The following FHIT variants were observed in gnomAD, a reference collection of about 807,000 sequenced individuals.
The protein encoded by FHIT is fragile histidine triad diadenosine triphosphatase, also known as bis(5'-adenosyl)-triphosphatase.
In FHIT, 19 loss-of-function variants were observed where a neutral mutation model predicts 17.9. That is an observed-to-expected ratio of 1.06 (90% CI 0.74 to 1.56). The LOEUF is 1.56. Among genes scored for constraint, FHIT ranks in the 40% most tolerant of loss-of-function variants. The probability of loss-of-function intolerance (pLI) is 0.00; values close to 1 mark genes in which losing one functional copy is unlikely to be tolerated. For synonymous variants in FHIT, 81 were observed against 69.7 expected, an observed-to-expected ratio of 1.16 and a Z score of -0.81; for missense variants, 248 against 189.2, an observed-to-expected ratio of 1.31 and a Z score of -1.82.
chr3:60,458,780 T>C (rs898768592), intron 5 of FHIT, among the ~76,000 whole-genome samples: 4 of 151,946 alleles, frequency 2.6e-5, no homozygotes, highest in African/African-American at 9.7e-5. Context: ...CATTCTACTA[T>C]ATATATTTTT....
At chr3:60,384,011 T>A (rs1020068442) in intron 5 of FHIT, among the ~76,000 whole-genome samples, 2 of 152,204 alleles carry the variant, frequency 1.3e-5, no homozygotes, top group African/African-American at 4.8e-5. Flanking sequence ...GGCCCATGCC[T>A]GTAATCCCAG....
At chr3:60,144,998 A>C (rs1700180723) in intron 5 of FHIT, among the ~76,000 whole-genome samples, 1 of 152,162 alleles carries the variant, frequency 6.6e-6, no homozygotes, top group South Asian at 2.1e-4. Flanking sequence ...TGGAGGAAAA[A>C]AACATCAATT....
Position 60,387,407 on chromosome 3 carries a change from G to A in FHIT, c.103+149453C>T, listed in dbSNP as rs1039343864. Among the ~76,000 whole-genome samples, 13 of 152,146 alleles carry A rather than the reference G, an allele frequency of 8.5e-5. 1 individual carries two copies. Among genetic ancestry groups the A allele is most frequent in the Admixed American group, 5.2e-4 (8 of 15,284 alleles). On this transcript the variant is annotated intron_variant, in intron 5 of 9. Coordinates refer to ENST00000492590, the MANE Select transcript of FHIT (RefSeq NM_002012.4). ...AAGGAATGGACACTTAAAACTTCCC[G>A]AACTGATCAAAATAAATGTGAGAGG...
intron 4 of FHIT, among the ~76,000 whole-genome samples, chr3:60,624,387 A>G (rs1254592614): frequency 6.6e-6 from 1 of 152,228 alleles, no homozygotes; most frequent in African/African-American, 2.4e-5. Context: ...AAATCCCTAC[A>G]GCTGGTGTGG....
At chr3:59,795,398 A>T (rs990124679) in intron 8 of FHIT, among the ~76,000 whole-genome samples, 1 of 150,000 alleles carries the variant, frequency 6.7e-6, no homozygotes, top group African/African-American at 2.4e-5. Context: ...AAAAAAAAAT[A>T]CCATAACATT....
In FHIT at chr3:60,069,171, T is replaced by C. The variant is rs565061896; in HGVS notation, c.104-55019A>G. On this transcript the variant is annotated intron_variant, in intron 5 of 9. Transcript: ENST00000492590. ...AGTCATGAAACAGTGCTTGGAAAGA[T>C]ACACACCAGTCATCTGACAGTAATA... Among the ~76,000 whole-genome samples the C allele has an allele frequency of 3.4e-4, 52 of 152,304 alleles. 1 individual carries two copies. In the South Asian group the frequency reaches 0.011, roughly 31 times the overall value.
intron 4 of FHIT, among the ~76,000 whole-genome samples, chr3:60,714,634 C>G (rs1365406986): frequency 6.6e-6 from 1 of 152,134 alleles, no homozygotes; most frequent in Middle Eastern, 3.2e-3. Context: ...TTCTTATACA[C>G]CAATGACAGA....
intron 5 of FHIT, among the ~76,000 whole-genome samples, chr3:60,091,704 TAGTA>T (rs1461838437): frequency 6.6e-6 from 1 of 152,096 alleles, no homozygotes; most frequent in Non-Finnish European, 1.5e-5. Context: ...GTTCTCATGA[TAGTA>T]AGTTACCATG....
At chr3:60,672,899 G>GTGTC (rs1330856406) in intron 4 of FHIT, among the ~76,000 whole-genome samples, 3 of 151,372 alleles carry the variant, frequency 2.0e-5, no homozygotes, top group Non-Finnish European at 4.4e-5. Flanking sequence ...GTGTGTGTGT[G>GTGTC]TGTGTGTGCA....
chr3:60,631,431 C>T (rs1416173560), intron 4 of FHIT, among the ~76,000 whole-genome samples: 4 of 152,284 alleles, frequency 2.6e-5, no homozygotes, highest in South Asian at 2.1e-4. Flanking sequence ...TTCTGATTTA[C>T]ATCTAGGGGA....
chr3:60,297,105 A>T (rs1244455508), intron 5 of FHIT, among the ~76,000 whole-genome samples: 9 of 152,082 alleles, frequency 5.9e-5, no homozygotes, highest in Middle Eastern at 3.4e-3. Flanking sequence ...TCTTTTTCAA[A>T]TCTGTTTTAG....
At chr3:60,004,028 T>C (rs1364240110) in intron 7 of FHIT, among the ~76,000 whole-genome samples, 1 of 152,126 alleles carries the variant, frequency 6.6e-6, no homozygotes, top group African/African-American at 2.4e-5. Flanking sequence ...AGAGTAGTGC[T>C]CCTTCAATGA....
intron 5 of FHIT, among the ~76,000 whole-genome samples, chr3:60,201,008 T>A (rs1702876732): frequency 6.6e-6 from 1 of 152,098 alleles, no homozygotes; most frequent in Non-Finnish European, 1.5e-5. Flanking sequence ...CAGAACTTAC[T>A]AAAGTTCAGC....
intron 5 of FHIT, among the ~76,000 whole-genome samples, chr3:60,261,117 C>T (rs1196935146): frequency 6.6e-6 from 1 of 152,014 alleles, no homozygotes; most frequent in Non-Finnish European, 1.5e-5. Context: ...AATAAACTTG[C>T]TTTCACTTTA....
chr3:60,167,894 T>C (rs923706816), intron 5 of FHIT, among the ~76,000 whole-genome samples: 3 of 152,002 alleles, frequency 2.0e-5, no homozygotes, highest in African/African-American at 7.2e-5. Context: ...TAGCCAGGTG[T>C]AGTGGTATGC....
chr3:60,103,149 A>T (rs557271069), intron 5 of FHIT, among the ~76,000 whole-genome samples: 72 of 152,282 alleles, frequency 4.7e-4, no homozygotes, highest in African/African-American at 1.5e-3. Flanking sequence ...GCTCTCTCTC[A>T]GTTTTACCCC....
intron 5 of FHIT, among the ~76,000 whole-genome samples, chr3:60,151,648 C>T (rs565666020): frequency 6.6e-6 from 1 of 152,232 alleles, no homozygotes; most frequent in South Asian, 2.1e-4. Context: ...AGCTTCAGCC[C>T]CACTGTCTTT....
intron 5 of FHIT, among the ~76,000 whole-genome samples, chr3:60,451,951 C>T (rs2031775893): frequency 6.6e-6 from 1 of 152,128 alleles, no homozygotes; most frequent in South Asian, 2.1e-4. Context: ...TTGAGACTCC[C>T]TTAATCTCAA....
intron 3 of FHIT, among the ~76,000 whole-genome samples, chr3:60,929,007 C>T (rs1332692999): frequency 6.6e-6 from 1 of 152,162 alleles, no homozygotes; most frequent in Non-Finnish European, 1.5e-5. Flanking sequence ...CATCAAAAAG[C>T]TTATCCACCA....
Sources: allele counts gnomAD v4.1 joint callset (sites outside exome capture counted in the v4.1 genomes callset), GRCh38; gene constraint gnomAD v4.1.1; transcripts MANE v1.5; gene names NCBI Gene and HGNC (gene_info 2026-07-23, HGNC 2026-07-21).